The following BEGAIN variants were observed in gnomAD, a reference collection of about 807,000 sequenced individuals.
The protein encoded by BEGAIN is brain-enriched guanylate kinase-associated protein.
BEGAIN carries 19 observed loss-of-function variants against 35.8 expected under a neutral mutation model. That is an observed-to-expected ratio of 0.53 (90% CI 0.37 to 0.78). The LOEUF is 0.78. Ranked by LOEUF, BEGAIN falls within the 30% of genes least tolerant of loss-of-function variation. BEGAIN has a pLI of 0.00. For synonymous variants in BEGAIN, 462 were observed against 388.6 expected (o/e 1.19, Z -2.22); for missense variants, 795 against 853.6 (o/e 0.93, Z 0.85).
In BEGAIN at chr14:100,568,375, CG is replaced by C; in HGVS notation, c.43-437del. ...CCCGGAGGAAGCCGAACCCCGGAATCGCAGAACCTCCGAGTCGGAGAATGTT... is the reference window on the plus strand; with the variant it reads ...CCCGGAGGAAGCCGAACCCCGGAATCCAGAACCTCCGAGTCGGAGAATGTT... On this transcript the variant is annotated intron_variant, in intron 1 of 6. Transcript: ENST00000554140. The surrounding 1 kb of genome is among the most constrained non-coding windows in gnomAD (Gnocchi z 7.5). 1 of 1,193,428 alleles carries C rather than the reference CG, an allele frequency of 8.4e-7. No homozygotes were observed. The allele number at this position is 1,193,428 out of a possible 1,614,324, so 73.9% of individuals were successfully genotyped here.
chr14:100,555,445 C>G (rs2033623727), intron 2 of BEGAIN, among the ~76,000 whole-genome samples: 1 of 152,254 alleles, frequency 6.6e-6, no homozygotes, highest in African/African-American at 2.4e-5. Context: ...TGGAAGCCGA[C>G]AGCAGACCAC....
intron 1 of BEGAIN, among the ~76,000 whole-genome samples, chr14:100,579,929 C>A (rs904903457): frequency 6.6e-6 from 1 of 152,200 alleles, no homozygotes; most frequent in Non-Finnish European, 1.5e-5. Flanking sequence ...TGGACATCTG[C>A]GATCATCCCT....
chr14:100,570,810 A>G (rs749550724), intron 1 of BEGAIN, among the ~76,000 whole-genome samples: 32 of 151,912 alleles, frequency 2.1e-4, no homozygotes, highest in Non-Finnish European at 4.1e-4. Context: ...TGACCACAAG[A>G]CTCGGTGATT....
rs1005238358 is a variant in BEGAIN at position 100,537,431 on chromosome 14, C to G, written c.*538G>C. 6.5e-6 allele frequency: 1 copy of G among 152,850 alleles called. No individual in the cohort carries two copies. The highest frequency in any genetic ancestry group is 6.5e-5 in the Admixed American group (1 of 15,340). The allele number at this position is 152,850 out of a possible 1,614,324, so 9.5% of individuals were successfully genotyped here. On this transcript the variant is annotated 3_prime_UTR_variant, in exon 7 of 7. Coordinates refer to ENST00000554140, the MANE Select transcript of BEGAIN (RefSeq NM_001385089.1). ...ATGGATTTTTAAAACACTTCATAGC[C>G]CCGAATTTGTTTCAGCTCCCTCTTC...
chr14:100,555,535 GA>G (rs1433043286), intron 2 of BEGAIN, among the ~76,000 whole-genome samples: 1 of 152,218 alleles, frequency 6.6e-6, no homozygotes, highest in Non-Finnish European at 1.5e-5. Context: ...CCCCGAAAGG[GA>G]GGTGTGTACC....
intron 1 of BEGAIN, among the ~76,000 whole-genome samples, chr14:100,577,069 T>C (rs1419288259): frequency 6.6e-6 from 1 of 152,148 alleles, no homozygotes; most frequent in Non-Finnish European, 1.5e-5. Flanking sequence ...TCTGCCGCAG[T>C]GGGGAGGGGA....
intron 5 of BEGAIN, among the ~76,000 whole-genome samples, chr14:100,542,784 T>C (rs910868733): frequency 6.6e-6 from 1 of 152,218 alleles, no homozygotes; most frequent in Admixed American, 6.5e-5. Flanking sequence ...CTCCTGATCT[T>C]CCTGCTCCTG....
Position 100,538,939 on chromosome 14 carries a change from T to A in BEGAIN, c.869A>T (p.Glu290Val). 2 of 1,608,340 alleles carry A rather than the reference T, an allele frequency of 1.2e-6. No homozygotes were observed. The highest frequency in any genetic ancestry group is 3.3e-5 in the Admixed American group (2 of 59,732). ...CGGGAAGGCCGCCGCCTCGGCCTCC[T>A]CCTCCTCCTCGGCCGCGCTGTCAGT... ...NSTDSAAEEE[E>V]EAEAAAFPAG... is the part of the protein sequence containing the mutation. The change falls in exon 7 of 7, where the codon GAG (glutamate) becomes GTG (valine). Residue 290 changes from glutamate to valine, a missense_variant. Physicochemically the swap from Glu to Val is moderately radical, Grantham distance 121 (BLOSUM62 -2). Around this residue, in one of 3 missense-constraint regions of BEGAIN, gnomAD observed 664 missense variants for 647.7 expected, o/e 1.03. Coordinates refer to ENST00000554140, the MANE Select transcript of BEGAIN (RefSeq NM_001385089.1).
intron 6 of BEGAIN, 55 bp from the exon 7 acceptor site, chr14:100,539,370 A>T (rs544089767): frequency 1.3e-6 from 2 of 1,501,610 alleles, no homozygotes; most frequent in Non-Finnish European, 1.8e-6. Context: ...TTAGCATGGC[A>T]GCCCAGCCCT....
chr14:100,585,668 T>C (rs1168532267), intron 1 of BEGAIN, among the ~76,000 whole-genome samples: 3 of 151,848 alleles, frequency 2.0e-5, no homozygotes, highest in African/African-American at 4.8e-5. Context: ...TTAGGGCTCA[T>C]TTCCTCTCTC....
chr14:100,546,739 G>A (rs2032522805), intron 2 of BEGAIN, 77 bp from the exon 3 acceptor site: 5 of 1,399,846 alleles, frequency 3.6e-6, no homozygotes, highest in South Asian at 1.5e-5. Flanking sequence ...CAGCCGGGGC[G>A]TGCCGCACTA....
rs1427327791 is a variant in BEGAIN, at chr14:100,537,898, G to A, written c.*71C>T. 1.3e-5 allele frequency: 20 copies of A among 1,513,376 alleles called. No homozygotes were observed. Among genetic ancestry groups the A allele is most frequent in the Admixed American group, 2.0e-5 (1 of 48,884 alleles). 93.7% of individuals were successfully genotyped at this position (1,513,376 alleles called of 1,614,324 possible). Reference sequence around the variant, plus strand: ...AGGGGAACAGCGGGGGCTGGGGAGAGGTGAGGCCGGCCCTTCTGGGGCACG... The same window carrying A: ...AGGGGAACAGCGGGGGCTGGGGAGAAGTGAGGCCGGCCCTTCTGGGGCACG... On this transcript the variant is annotated 3_prime_UTR_variant, in exon 7 of 7. Coordinates refer to ENST00000554140, the MANE Select transcript of BEGAIN (RefSeq NM_001385089.1).
chr14:100,581,792 G>C (rs957721522), intron 1 of BEGAIN, among the ~76,000 whole-genome samples: 3 of 152,244 alleles, frequency 2.0e-5, no homozygotes, highest in African/African-American at 7.2e-5. Flanking sequence ...TGGTTGGAAA[G>C]CTGGCCCCTG....
chr14:100,556,027 GGAGGGGACT>G (rs934383080), intron 2 of BEGAIN, among the ~76,000 whole-genome samples: 2 of 152,184 alleles, frequency 1.3e-5, no homozygotes, highest in Admixed American at 1.3e-4. Context: ...ATGTAGTGAG[GGAGGGGACT>G]GTCACGGTGC....
intron 1 of BEGAIN, among the ~76,000 whole-genome samples, chr14:100,577,083 T>C (rs1255650129): frequency 6.6e-6 from 1 of 152,220 alleles, no homozygotes; most frequent in East Asian, 1.9e-4. Flanking sequence ...GAGGGGATTA[T>C]TATAATTGTT....
chr14:100,584,650 A>G (rs1251713099), intron 1 of BEGAIN, among the ~76,000 whole-genome samples: 1 of 152,112 alleles, frequency 6.6e-6, no homozygotes, highest in Non-Finnish European at 1.5e-5. Flanking sequence ...TTCTCCCACC[A>G]CAGGCTACAA....
At chr14:100,544,042 CT>C (rs1408104973) in intron 4 of BEGAIN, 77 bp from the exon 5 acceptor site, 3 of 1,074,298 alleles carry the variant, frequency 2.8e-6, no homozygotes, top group Non-Finnish European at 4.1e-6. Flanking sequence ...ATTGCACCCC[CT>C]GGTTTGTCCC....
At chr14:100,540,657 G>T in intron 5 of BEGAIN, 78 bp from the exon 6 acceptor site, 1 of 1,124,460 alleles carries the variant, frequency 8.9e-7, no homozygotes. Flanking sequence ...CAAGTGGCCA[G>T]CGGGGGCAGT....
At position 100,567,837 on chromosome 14, in the gene BEGAIN, T is replaced by C. The variant is rs891813791; in HGVS notation, c.71+74A>G. The C allele has an allele frequency of 1.3e-4, 180 of 1,401,566 alleles. No homozygotes were observed. Among genetic ancestry groups the C allele is most frequent in the Non-Finnish European group, 1.6e-4 (166 of 1,054,802 alleles). The allele number at this position is 1,401,566 out of a possible 1,614,324, so 86.8% of individuals were successfully genotyped here. On this transcript the variant is annotated intron_variant, in intron 2 of 6. Transcript: ENST00000554140. The surrounding 1 kb of genome is among the most constrained non-coding windows in gnomAD (Gnocchi z 5.1). ...GGGATGCGCTCGGGTGGAGCCCCCT[T>C]CCCCCGCCTTCCCCAGCGCCCTCAC...
Sources: gnomAD v4.1 joint callset for allele counts (sites outside exome capture counted in the v4.1 genomes callset) on GRCh38, gnomAD v4.1.1 for gene constraint, gnomAD v4.1.1 regional missense constraint, Gnocchi (gnomAD v3.1) non-coding constraint, MANE v1.5 for transcripts, NCBI Gene and HGNC (gene_info 2026-07-23, HGNC 2026-07-21) for gene names.